PIK3CA: variants seen among roughly 807,000 people sequenced by gnomAD.
PIK3CA encodes the protein phosphatidylinositol-4,5-bisphosphate 3-kinase catalytic subunit alpha.
Under a neutral mutation model 138.2 loss-of-function variants are expected in PIK3CA, and 27 were observed. The ratio of observed to expected loss-of-function variants is 0.20; its 90% CI spans 0.14 to 0.27. The LOEUF is 0.27. Ranked by LOEUF, PIK3CA falls within the 10% of genes least tolerant of loss-of-function variation. The pLI, the probability that PIK3CA is intolerant of heterozygous loss-of-function variation, is 1.00. For missense variants in PIK3CA, 544 were observed against 1,277.4 expected (o/e 0.43, Z 8.75); for synonymous variants, 358 against 413.2 (o/e 0.87, Z 1.62).
intron 1 of PIK3CA, among the ~76,000 whole-genome samples, chr3:179,164,322 A>G (rs544932156): frequency 1.0e-3 from 159 of 152,300 alleles, no homozygotes; most frequent in Middle Eastern, 3.4e-3. Flanking sequence ...TCCCAGGCCC[A>G]TAATAGACCT....
At position 179,219,889 on chromosome 3, in the gene PIK3CA, AT is replaced by A. The variant is rs1473104413; in HGVS notation, c.1912-56del. The A allele has an allele frequency of 6.4e-5, 102 of 1,585,628 alleles. No individual in the cohort carries two copies. Among genetic ancestry groups the A allele is most frequent in the Non-Finnish European group, 8.1e-5 (95 of 1,172,126 alleles). On this transcript the variant is annotated intron_variant, in intron 12 of 20. Coordinates refer to ENST00000263967, the MANE Select transcript of PIK3CA (RefSeq NM_006218.4). This position sits in a 1 kb window ranked among gnomAD's most constrained non-coding sequence, Gnocchi z 4.2. ...TAATATCCACTTTCTTTCTGAAAAA[AT>A]TTTCTTTAGATCGGCCATGCAGAAA...
At position 179,235,890 on chromosome 3, in the gene PIK3CA, C is replaced by T. The variant is rs1252534738; in HGVS notation, c.*1526C>T. The T allele has an allele frequency of 2.4e-5, 5 of 211,244 alleles. No homozygotes were observed. The East Asian group carries it at 2.8e-4, about 12-fold the overall frequency. The allele number at this position is 211,244 out of a possible 1,614,324, so 13.1% of individuals were successfully genotyped here. A position where few individuals can be genotyped will look rare whatever the true frequency, so the allele number is the denominator to read the frequency against. On this transcript the variant is annotated 3_prime_UTR_variant, in exon 21 of 21. Transcript: ENST00000263967. ...CCAAGATGTAGAGGCTACTGCTAGT[C>T]GTCATTCTAGAATCTGATATTTTAC... is the stretch of plus-strand genomic sequence containing the variant.
At chr3:179,216,338 C>G (rs911055488) in intron 9 of PIK3CA, among the ~76,000 whole-genome samples, 2 of 152,116 alleles carry the variant, frequency 1.3e-5, no homozygotes, top group Non-Finnish European at 1.5e-5. Context: ...TGACAAGAAC[C>G]TGAACAGCCT....
intron 3 of PIK3CA, 69 bp from the exon 4 acceptor site, chr3:179,201,221 C>G (rs2108389109): frequency 1.5e-6 from 2 of 1,296,346 alleles, no homozygotes; most frequent in Non-Finnish European, 2.2e-6. Context: ...ATAGTGAATA[C>G]TTGTTGAAAT....
At chr3:179,226,353 A>G (rs1021961415) in intron 17 of PIK3CA, among the ~76,000 whole-genome samples, 11 of 152,132 alleles carry the variant, frequency 7.2e-5, no homozygotes, top group Non-Finnish European at 1.3e-4. Flanking sequence ...TTTAAAAGAA[A>G]GTTTCATAAT....
In PIK3CA at chr3:179,230,556, C is replaced by T. The variant is rs534876858; in HGVS notation, c.2936+180C>T. ...GATCACTTGAGCTCAGGAATTGAAA[C>T]CAGCCTGGGTAACATAGAGAGAATT... is the stretch of plus-strand genomic sequence containing the variant. On this transcript the variant is annotated intron_variant, in intron 20 of 20. Transcript: ENST00000263967. The surrounding 1 kb of genome is among the most constrained non-coding windows in gnomAD (Gnocchi z 5.4). 8.5e-5 allele frequency among the ~76,000 whole-genome samples: 13 copies of T among 152,056 alleles called. No individual in the cohort carries two copies. The highest frequency in any genetic ancestry group is 1.6e-4 in the Non-Finnish European group (11 of 67,994).
chr3:179,173,438 G>T (rs1298413434), intron 1 of PIK3CA, among the ~76,000 whole-genome samples: 1 of 148,958 alleles, frequency 6.7e-6, no homozygotes, highest in African/African-American at 2.5e-5. Flanking sequence ...ACTTAGCCAG[G>T]TGTGGTGGCG....
intron 1 of PIK3CA, among the ~76,000 whole-genome samples, chr3:179,193,328 G>T (rs1408314526): frequency 1.3e-5 from 2 of 152,202 alleles, no homozygotes; most frequent in Non-Finnish European, 2.9e-5. Context: ...CTTTTGGTCT[G>T]TTGGCCTTTA....
chr3:179,168,513 T>C (rs1723473499), intron 1 of PIK3CA, among the ~76,000 whole-genome samples: 1 of 152,174 alleles, frequency 6.6e-6, no homozygotes, highest in African/African-American at 2.4e-5. Context: ...CATGTAAGTC[T>C]CTCCAGCTCC....
intron 1 of PIK3CA, among the ~76,000 whole-genome samples, chr3:179,173,106 A>G (rs1723601632): frequency 6.6e-6 from 1 of 152,074 alleles, no homozygotes; most frequent in Non-Finnish European, 1.5e-5. Context: ...AACATTTATA[A>G]TAATTTTCTT....
intron 1 of PIK3CA, among the ~76,000 whole-genome samples, chr3:179,175,022 G>A (rs1282358285): frequency 1.3e-5 from 2 of 152,038 alleles, no homozygotes; most frequent in Non-Finnish European, 2.9e-5. Flanking sequence ...TGCTTGCTAG[G>A]TCTGTTTCAC....
Position 179,229,925 on chromosome 3 carries a change from T to C in PIK3CA, c.2667-79T>C, listed in dbSNP as rs111617194. Reference sequence around the variant, plus strand: ...TTGTTTTCATTGTTTAAATGGAAACTTGCACCCTGTTTTCTTTTCTCAAGT... The same window carrying C: ...TTGTTTTCATTGTTTAAATGGAAACCTGCACCCTGTTTTCTTTTCTCAAGT... On this transcript the variant is annotated intron_variant, in intron 18 of 20. Transcript: ENST00000263967. 3.8e-4 allele frequency: 313 copies of C among 830,834 alleles called. 3 individuals are homozygous for C. In the African/African-American group the frequency reaches 4.4e-3, roughly 12 times the overall value. 51.5% of individuals were successfully genotyped at this position (830,834 alleles called of 1,614,324 possible).
rs1725345541 is a variant in PIK3CA at position 179,236,987 on chromosome 3, C to T, written c.*2623C>T. ...ATGGTGTAACTGACTATTGGCTCTA[C>T]AGTTTTATTGGGCCACTTAAGAAAT... On this transcript the variant is annotated 3_prime_UTR_variant, in exon 21 of 21. Transcript: ENST00000263967. The T allele has an allele frequency of 5.0e-6, 1 of 199,064 alleles. No homozygotes were observed. The highest frequency in any genetic ancestry group is 1.0e-5 in the Non-Finnish European group (1 of 96,428). The allele number at this position is 199,064 out of a possible 1,614,324, so 12.3% of individuals were successfully genotyped here. A position where few individuals can be genotyped will look rare whatever the true frequency, so the allele number is the denominator to read the frequency against.
intron 7 of PIK3CA, among the ~76,000 whole-genome samples, 165 bp from the exon 8 acceptor site, chr3:179,210,021 G>A (rs991255325): frequency 3.3e-5 from 5 of 151,488 alleles, no homozygotes; most frequent in Non-Finnish European, 5.9e-5. Context: ...ATTTCAAATG[G>A]GGAAAAAGGA....
chr3:179,182,079 C>T (rs9878005), intron 1 of PIK3CA, among the ~76,000 whole-genome samples: 18,021 of 152,120 alleles, frequency 0.12, 1,848 homozygotes, highest in African/African-American at 0.27. Context: ...TCCCTAGTGA[C>T]GGCTTAAAGT....
intron 1 of PIK3CA, among the ~76,000 whole-genome samples, chr3:179,169,506 G>A (rs763312522): frequency 3.9e-5 from 6 of 152,098 alleles, no homozygotes; most frequent in Non-Finnish European, 7.4e-5. Flanking sequence ...TTTTAAAGCA[G>A]TTAAAATTCA....
At chr3:179,224,297 T>TTC (rs369232497) in intron 15 of PIK3CA, 110 bp downstream of exon 15, 3 of 578,832 alleles carry the variant, frequency 5.2e-6, no homozygotes, top group Non-Finnish European at 9.1e-6. Flanking sequence ...TAATTTATGC[T>TTC]TCTCTCTCTC....
Position 179,230,425 on chromosome 3 carries a change from A to T in PIK3CA, c.2936+49A>T, listed in dbSNP as rs1253924711. The T allele has an allele frequency of 7.0e-7, 1 of 1,419,640 alleles. No homozygotes were observed. The allele number at this position is 1,419,640 out of a possible 1,614,324, so 87.9% of individuals were successfully genotyped here. On this transcript the variant is annotated intron_variant, in intron 20 of 20. Coordinates refer to ENST00000263967, the MANE Select transcript of PIK3CA (RefSeq NM_006218.4). The surrounding 1 kb of genome is among the most constrained non-coding windows in gnomAD (Gnocchi z 5.4). ...CAAAATAAAGAGTTCTGGCTGCTCT[A>T]TTAGAAACAATCAATATTTTTCAAG...
chr3:179,200,271 A>G (rs1724378148), intron 3 of PIK3CA, among the ~76,000 whole-genome samples: 1 of 152,056 alleles, frequency 6.6e-6, no homozygotes, highest in Non-Finnish European at 1.5e-5. Flanking sequence ...TCTTGTTATT[A>G]TATATCATAA....
Sources: gnomAD v4.1 joint callset for allele counts (sites outside exome capture counted in the v4.1 genomes callset) on GRCh38, gnomAD v4.1.1 for gene constraint, Gnocchi (gnomAD v3.1) non-coding constraint, MANE v1.5 for transcripts, NCBI Gene and HGNC (gene_info 2026-07-23, HGNC 2026-07-21) for gene names.